DGKI: variants seen among roughly 807,000 people sequenced by gnomAD.
The protein encoded by DGKI is diacylglycerol kinase iota, also known as DAG kinase iota.
DGKI carries 55 observed loss-of-function variants against 147.5 expected under a neutral mutation model. The observed-to-expected ratio is 0.37, with a 90% confidence interval of 0.30 to 0.47. The LOEUF (loss-of-function observed/expected upper bound fraction) is 0.47, where lower values mean the gene tolerates loss of function less well. Among genes scored for constraint, DGKI ranks in the 20% least tolerant of loss-of-function variants. The probability of loss-of-function intolerance (pLI) is 1.00; values close to 1 mark genes in which losing one functional copy is unlikely to be tolerated. For missense variants in DGKI, 1,007 were observed against 1,323.8 expected (o/e 0.76, Z 3.71); for synonymous variants, 469 against 477.1 (o/e 0.98, Z 0.22).
At chr7:137,626,322 GACACACACACACACACACAC>G (rs111591226) in intron 6 of DGKI, among the ~76,000 whole-genome samples, 1 of 139,048 alleles carries the variant, frequency 7.2e-6, no homozygotes, top group Non-Finnish European at 1.6e-5. Context: ...AAGTGCTTCT[GACACACACACACACACACAC>G]ACACACACAC....
At chr7:137,686,565 A>G (rs1283520261) in intron 2 of DGKI, among the ~76,000 whole-genome samples, 1 of 152,240 alleles carries the variant, frequency 6.6e-6, no homozygotes, top group African/African-American at 2.4e-5. Context: ...TGGGATTTTG[A>G]GAAACAACCT....
chr7:137,404,836 C>T (rs1562997993), intron 30 of DGKI, among the ~76,000 whole-genome samples: 5 of 152,158 alleles, frequency 3.3e-5, no homozygotes, highest in African/African-American at 1.2e-4. Flanking sequence ...GTGACTCAGT[C>T]TTGCAAGAGT....
intron 1 of DGKI, among the ~76,000 whole-genome samples, chr7:137,701,139 A>G (rs185361363): frequency 1.8e-4 from 27 of 152,110 alleles, no homozygotes; most frequent in Admixed American, 1.4e-3. Flanking sequence ...CTTCACATGT[A>G]TCCTGCAGGC....
intron 12 of DGKI, among the ~76,000 whole-genome samples, chr7:137,596,741 A>G (rs1190667385): frequency 6.6e-6 from 1 of 152,240 alleles, no homozygotes; most frequent in Non-Finnish European, 1.5e-5. Context: ...TGAGAGACCA[A>G]TAAAAATCAC....
At chr7:137,831,027 G>T (rs1433957449) in intron 1 of DGKI, among the ~76,000 whole-genome samples, 1 of 152,182 alleles carries the variant, frequency 6.6e-6, no homozygotes, top group East Asian at 1.9e-4. Context: ...AGGCAAGAAA[G>T]TTCCTAACAC....
At chr7:137,817,325 A>G (rs1303386589) in intron 1 of DGKI, among the ~76,000 whole-genome samples, 1 of 152,234 alleles carries the variant, frequency 6.6e-6, no homozygotes, top group African/African-American at 2.4e-5. Context: ...TGCTTGACAC[A>G]TACTCGGTGC....
intron 1 of DGKI, among the ~76,000 whole-genome samples, chr7:137,708,835 G>C (rs73460667): frequency 0.023 from 3,455 of 152,294 alleles, 147 homozygotes; most frequent in Admixed American, 0.1. Context: ...AGGCTACTAA[G>C]AGGAGGTGAC....
chr7:137,523,027 A>C (rs542164567), intron 20 of DGKI, among the ~76,000 whole-genome samples: 1 of 152,158 alleles, frequency 6.6e-6, no homozygotes, highest in African/African-American at 2.4e-5. Flanking sequence ...CCTGTAAAGG[A>C]GGAAAAGGAA....
At chr7:137,628,368 T>C (rs898341059) in intron 6 of DGKI, among the ~76,000 whole-genome samples, 37 of 152,206 alleles carry the variant, frequency 2.4e-4, no homozygotes, top group African/African-American at 8.9e-4. Flanking sequence ...TTTTAGATTC[T>C]TGTCTGGCAG....
chr7:137,573,489 C>G (rs758930521), intron 17 of DGKI, among the ~76,000 whole-genome samples: 3 of 152,244 alleles, frequency 2.0e-5, no homozygotes, highest in Non-Finnish European at 4.4e-5. Context: ...ACTGCAACCT[C>G]AGCCTGCCAG....
rs375087766 is a variant in DGKI, at chr7:137,463,473, G to C, written c.2735+16C>G. ...CACAGTGGCACAGAGGAAAAGAACA[G>C]CAAGAGAACTCTTACTGTAGCACGC... On this transcript the variant is annotated intron_variant, in intron 27 of 32. Transcript: ENST00000614521. 1 of 1,612,996 alleles carries C rather than the reference G, an allele frequency of 6.2e-7. No homozygotes were observed. The highest frequency in any genetic ancestry group is 1.3e-5 in the African/African-American group (1 of 75,036).
intron 12 of DGKI, among the ~76,000 whole-genome samples, chr7:137,589,643 A>G (rs563996719): frequency 3.3e-4 from 51 of 152,348 alleles, no homozygotes; most frequent in Non-Finnish European, 5.7e-4. Context: ...AATAAACTGC[A>G]AGAAGGGGTC....
Position 137,493,854 on chromosome 7 carries a change from G to C in DGKI, c.2249-6165C>G. Reference sequence around the variant, plus strand: ...TGAAATAGCTGAAATGACAGAAATAGAATCAGAATATGGACAGGAATGAAG... The same window carrying C: ...TGAAATAGCTGAAATGACAGAAATACAATCAGAATATGGACAGGAATGAAG... On this transcript the variant is annotated intron_variant, in intron 21 of 32. Coordinates refer to ENST00000614521, the MANE Select transcript of DGKI (RefSeq NM_001321708.2). 4 of 696,396 alleles carry C rather than the reference G, an allele frequency of 5.7e-6. No homozygotes were observed. The South Asian group carries it at 6.0e-5, about 11-fold the overall frequency. 43.1% of individuals were successfully genotyped at this position (696,396 alleles called of 1,614,324 possible).
chr7:137,436,682 T>C (rs1813296423), intron 28 of DGKI, among the ~76,000 whole-genome samples: 1 of 152,198 alleles, frequency 6.6e-6, no homozygotes, highest in South Asian at 2.1e-4. Flanking sequence ...GAATATCATA[T>C]ACATACTACA....
chr7:137,703,072 G>A (rs1299182782), intron 1 of DGKI, among the ~76,000 whole-genome samples: 1 of 152,164 alleles, frequency 6.6e-6, no homozygotes, highest in Non-Finnish European at 1.5e-5. Context: ...ACCTGAGAGT[G>A]GGTAATTTAT....
intron 1 of DGKI, among the ~76,000 whole-genome samples, chr7:137,786,644 A>G (rs1425109209): frequency 6.6e-6 from 1 of 151,464 alleles, no homozygotes; most frequent in Non-Finnish European, 1.5e-5. Context: ...GAACCAAAAA[A>G]GAGCCTGCAT....
rs548063406 is a variant in DGKI, at chr7:137,493,804, C to T, written c.2249-6115G>A. On this transcript the variant is annotated intron_variant, in intron 21 of 32. Coordinates refer to ENST00000614521, the MANE Select transcript of DGKI (RefSeq NM_001321708.2). ...TTACCTCCAAATGACTGCACTAGTT[C>T]CCCAGCAATGGTTCTTAACCAGTCT... 407 of 701,916 alleles carry T rather than the reference C, an allele frequency of 5.8e-4. 1 individual carries two copies. Among genetic ancestry groups the T allele is most frequent in the Non-Finnish European group, 8.1e-4 (313 of 384,774 alleles). The allele number at this position is 701,916 out of a possible 1,614,324, so 43.5% of individuals were successfully genotyped here.
intron 20 of DGKI, among the ~76,000 whole-genome samples, chr7:137,531,537 A>C (rs1247916644): frequency 6.6e-6 from 1 of 152,308 alleles, no homozygotes; most frequent in Non-Finnish European, 1.5e-5. Flanking sequence ...CCAATGAGAC[A>C]TAAGAGGACA....
In DGKI at chr7:137,487,670, T is replaced by C; in HGVS notation, c.2268A>G (p.Leu756=). The C allele has an allele frequency of 1.2e-6, 2 of 1,613,674 alleles. No homozygotes were observed. The highest frequency in any genetic ancestry group is 1.7e-6 in the Non-Finnish European group (2 of 1,179,708). Residue 756 remains leucine (L), a synonymous_variant, in exon 22 of 33, where the codon CTA becomes CTG. Coordinates refer to ENST00000614521, the MANE Select transcript of DGKI (RefSeq NM_001321708.2). Reference sequence around the variant, plus strand: ...CCAAATCACAGTCTCCACGCACAACTAGAATACCCAGAGGTATCGCTAAGG... The same window carrying C: ...CCAAATCACAGTCTCCACGCACAACCAGAATACCCAGAGGTATCGCTAAGG... ...LREASIPLGI[L]VVRGDCDLET...
Sources: gnomAD v4.1 joint callset for allele counts (sites outside exome capture counted in the v4.1 genomes callset) on GRCh38, gnomAD v4.1.1 for gene constraint, MANE v1.5 for transcripts, NCBI Gene and HGNC (gene_info 2026-07-23, HGNC 2026-07-21) for gene names.